The following HSPA12A variants were observed in gnomAD, a reference collection of about 807,000 sequenced individuals.
The protein encoded by HSPA12A is heat shock 70 kDa protein 12A.
HSPA12A carries 28 observed loss-of-function variants against 69.2 expected under a neutral mutation model. That is an observed-to-expected ratio of 0.40 (90% CI 0.30 to 0.55). The LOEUF (loss-of-function observed/expected upper bound fraction) is 0.55, where lower values mean the gene tolerates loss of function less well. Among genes scored for constraint, HSPA12A ranks in the 20% least tolerant of loss-of-function variants. The pLI is 0.38. For missense variants in HSPA12A, 686 were observed against 900.7 expected, an observed-to-expected ratio of 0.76 and a Z score of 3.05; for synonymous variants, 345 against 370.5, an observed-to-expected ratio of 0.93 and a Z score of 0.79.
chr10:116,804,081 G>A (rs1277597733), intron 2 of HSPA12A, among the ~76,000 whole-genome samples: 2 of 151,986 alleles, frequency 1.3e-5, no homozygotes, highest in South Asian at 2.1e-4. Context: ...AGCTCCCTAC[G>A]GTCGACAGGC....
chr10:116,766,238 G>A (rs1844074744), intron 2 of HSPA12A, among the ~76,000 whole-genome samples: 1 of 152,128 alleles, frequency 6.6e-6, no homozygotes, highest in Admixed American at 6.5e-5. Flanking sequence ...TGGGTCCTAG[G>A]CTGCTGGTTA....
At chr10:116,742,403 G>T in intron 1 of HSPA12A, 27 bp downstream of exon 1, 1 of 1,431,952 alleles carries the variant, frequency 7.0e-7, no homozygotes, top group Admixed American at 2.6e-5. Context: ...GCCAGCCGCG[G>T]CCGCAGGACC....
chr10:116,826,089 C>T (rs1845499675), intron 2 of HSPA12A, among the ~76,000 whole-genome samples: 2 of 152,016 alleles, frequency 1.3e-5, no homozygotes, highest in South Asian at 2.1e-4. Flanking sequence ...CTGTCTGGAC[C>T]GCACATGCCC....
intron 5 of HSPA12A, among the ~76,000 whole-genome samples, chr10:116,695,556 C>T (rs1849862914): frequency 6.6e-6 from 1 of 152,106 alleles, no homozygotes; most frequent in Non-Finnish European, 1.5e-5. Context: ...GTGGCTCACA[C>T]CTGTAATCCC....
intron 2 of HSPA12A, among the ~76,000 whole-genome samples, chr10:116,815,091 C>A (rs905365739): frequency 5.4e-5 from 7 of 130,830 alleles, no homozygotes; most frequent in Non-Finnish European, 1.1e-4. Context: ...TTACATTTAT[C>A]CCTACCCATT....
At chr10:116,841,018 G>A (rs1009797777) in intron 1 of HSPA12A, among the ~76,000 whole-genome samples, 9 of 152,136 alleles carry the variant, frequency 5.9e-5, no homozygotes, top group Non-Finnish European at 8.8e-5. Context: ...TCCCTTGGCC[G>A]TATCTCTAGG....
chr10:116,778,638 A>G (rs532705108), intron 2 of HSPA12A, among the ~76,000 whole-genome samples: 1 of 152,330 alleles, frequency 6.6e-6, no homozygotes, highest in African/African-American at 2.4e-5. Flanking sequence ...TGGAGGCTCA[A>G]GCCTATAAAT....
At chr10:116,685,906 C>G (rs138385385) in intron 6 of HSPA12A, among the ~76,000 whole-genome samples, 1 of 152,202 alleles carries the variant, frequency 6.6e-6, no homozygotes, top group African/African-American at 2.4e-5. Flanking sequence ...CCACCACTCT[C>G]GTGTCCTGCA....
In HSPA12A at chr10:116,723,900, C is replaced by T. The variant is rs888754912; in HGVS notation, c.41-16615G>A. ...GCCCACCTGAGGGCCCCTGACCATA[C>T]CCCAGTAGCTGAGGCCAGCGGGTCA... On this transcript the variant is annotated intron_variant, in intron 1 of 11. Transcript: ENST00000369209. This position sits in a 1 kb window ranked among gnomAD's most constrained non-coding sequence, Gnocchi z 4.1. 2.6e-5 allele frequency among the ~76,000 whole-genome samples: 4 copies of T among 152,226 alleles called. No homozygotes were observed. Among genetic ancestry groups the T allele is most frequent in the African/African-American group, 9.6e-5 (4 of 41,452 alleles).
intron 2 of HSPA12A, among the ~76,000 whole-genome samples, chr10:116,765,462 A>G (rs902086113): frequency 2.2e-4 from 34 of 152,300 alleles, no homozygotes; most frequent in African/African-American, 7.5e-4. Flanking sequence ...CCGGGACCAT[A>G]GGAGGGGGAA....
At chr10:116,805,789 G>T (rs1172037593) in intron 2 of HSPA12A, among the ~76,000 whole-genome samples, 1 of 152,200 alleles carries the variant, frequency 6.6e-6, no homozygotes, top group African/African-American at 2.4e-5. Flanking sequence ...TTCAACTACA[G>T]TGTAGGCTTC....
At chr10:116,681,107 T>C in intron 9 of HSPA12A, 45 bp downstream of exon 9, 1 of 1,321,994 alleles carries the variant, frequency 7.6e-7, no homozygotes, top group Non-Finnish European at 1.1e-6. Context: ...CAGAACTGCC[T>C]GGAATTGGCT....
At position 116,674,580 on chromosome 10, in the gene HSPA12A, C is replaced by T; in HGVS notation, c.*201G>A. ...ATCCTTTAATTTTCTATGCCTAAAC[C>T]TTAATCTTAATTTCTGTTTTTCTGA... On this transcript the variant is annotated 3_prime_UTR_variant, in exon 12 of 12. Transcript: ENST00000369209. The T allele has an allele frequency of 1.6e-6, 1 of 615,850 alleles. No individual in the cohort carries two copies. The highest frequency in any genetic ancestry group is 2.8e-5 in the East Asian group (1 of 35,944). The allele number at this position is 615,850 out of a possible 1,614,324, so 38.1% of individuals were successfully genotyped here.
intron 1 of HSPA12A, among the ~76,000 whole-genome samples, chr10:116,713,437 T>C (rs1850507979): frequency 6.6e-6 from 1 of 152,116 alleles, no homozygotes; most frequent in African/African-American, 2.4e-5. Context: ...ATTATGGAAA[T>C]GAGCATTTAC....
At chr10:116,699,924 A>G (rs1850032006) in intron 4 of HSPA12A, among the ~76,000 whole-genome samples, 1 of 152,200 alleles carries the variant, frequency 6.6e-6, no homozygotes, top group Non-Finnish European at 1.5e-5. Context: ...TGAGTTTCCC[A>G]CTTATGTTTG....
intron 2 of HSPA12A, among the ~76,000 whole-genome samples, chr10:116,784,148 C>T (rs1844523803): frequency 6.6e-6 from 1 of 152,250 alleles, no homozygotes; most frequent in Non-Finnish European, 1.5e-5. Context: ...CATGACTGGC[C>T]ATGTGCTTGC....
At chr10:116,756,947 C>A (rs1298103514) in intron 2 of HSPA12A, among the ~76,000 whole-genome samples, 1 of 152,266 alleles carries the variant, frequency 6.6e-6, no homozygotes, top group South Asian at 2.1e-4. Flanking sequence ...TCTAGGCCTT[C>A]TCCATGGCGT....
chr10:116,729,915 T>C (rs1394051717), intron 1 of HSPA12A, among the ~76,000 whole-genome samples: 1 of 152,182 alleles, frequency 6.6e-6, no homozygotes. Flanking sequence ...GTGTGCCCAG[T>C]GGGTGTTTTG....
rs1480475034 is a variant in HSPA12A, at chr10:116,719,989, G to C, written c.41-12704C>G. ...AAGGGCTTTACTGGGAGTGGACCTA[G>C]GGAGTAAGTGCTAATGAATAGGAGT... On this transcript the variant is annotated intron_variant, in intron 1 of 11. Coordinates refer to ENST00000369209, the MANE Select transcript of HSPA12A (RefSeq NM_025015.3). Among the ~76,000 whole-genome samples, 55 of 152,198 alleles carry C rather than the reference G, an allele frequency of 3.6e-4. 1 individual carries two copies.
Sources: gnomAD v4.1 joint callset for allele counts (sites outside exome capture counted in the v4.1 genomes callset) on GRCh38, gnomAD v4.1.1 for gene constraint, Gnocchi (gnomAD v3.1) non-coding constraint, MANE v1.5 for transcripts, NCBI Gene and HGNC (gene_info 2026-07-23, HGNC 2026-07-21) for gene names.